Variants in CHN1 observed in about 807,000 individuals in gnomAD.
CHN1 encodes the protein chimerin 1.
CHN1 carries 37 observed loss-of-function variants against 59.5 expected under a neutral mutation model. The ratio of observed to expected loss-of-function variants is 0.62; its 90% confidence interval spans 0.48 to 0.82. The LOEUF (loss-of-function observed/expected upper bound fraction) is 0.82. Among genes scored for constraint, CHN1 ranks in the 40% least tolerant of loss-of-function variants. The pLI is 0.00. For synonymous variants in CHN1, 206 were observed against 200.4 expected (o/e 1.03, Z -0.24); for missense variants, 469 against 571.0 (o/e 0.82, Z 1.82).
intron 6 of CHN1, among the ~76,000 whole-genome samples, chr2:174,868,870 T>C (rs1450909559): frequency 3.3e-5 from 5 of 152,216 alleles, no homozygotes; most frequent in Admixed American, 3.3e-4. Flanking sequence ...ACAACTGCCA[T>C]AATTTTCCCA....
intron 7 of CHN1, among the ~76,000 whole-genome samples, chr2:174,840,461 T>C (rs1330305547): frequency 6.6e-6 from 1 of 152,178 alleles, no homozygotes; most frequent in East Asian, 1.9e-4. Context: ...CCACTGTGCC[T>C]GGCCCCAAAC....
Position 174,845,789 on chromosome 2 carries a change from G to C in CHN1, c.627+1091C>G, listed in dbSNP as rs569302621. Among the ~76,000 whole-genome samples, 912 of 111,562 alleles carry C rather than the reference G, an allele frequency of 8.2e-3. 10 individuals are homozygous for C. Among genetic ancestry groups the C allele is most frequent in the Middle Eastern group, 0.016 (3 of 192 alleles). 73.2% of individuals were successfully genotyped at this position (111,562 alleles called of 152,430 possible). A position where few individuals can be genotyped will look rare whatever the true frequency, so the allele number is the denominator to read the frequency against. On this transcript the variant is annotated intron_variant, in intron 7 of 12. Coordinates refer to ENST00000409900, the MANE Select transcript of CHN1 (RefSeq NM_001822.7). ...AATGCAGAGCATATGGGTGGGGGGG[G>C]GGGTGTTGGTATTTAGTGTTTGAGT...
chr2:174,918,588 G>A, intron 3 of CHN1, 23 bp from the exon 4 acceptor site: 1 of 1,577,344 alleles, frequency 6.3e-7, no homozygotes, highest in Non-Finnish European at 8.6e-7. Flanking sequence ...CAAAAAAACA[G>A]GCATATTTGT....
intron 5 of CHN1, among the ~76,000 whole-genome samples, chr2:174,892,502 G>A (rs1558970045): frequency 6.6e-6 from 1 of 152,158 alleles, no homozygotes; most frequent in Non-Finnish European, 1.5e-5. Flanking sequence ...TTTACCAGAT[G>A]CCAGTAGTAT....
intron 1 of CHN1, among the ~76,000 whole-genome samples, chr2:174,998,486 T>C (rs527738052): frequency 6.6e-6 from 1 of 152,280 alleles, no homozygotes; most frequent in South Asian, 2.1e-4. Context: ...ATGTCTGACA[T>C]ATCCTTGTGC....
chr2:174,809,564 CGTT>C (rs1471578050), intron 10 of CHN1, among the ~76,000 whole-genome samples: 2 of 152,158 alleles, frequency 1.3e-5, no homozygotes, highest in South Asian at 2.1e-4. Context: ...TTACTATGTA[CGTT>C]GTTATTAAAC....
At chr2:174,854,032 T>C (rs1259754475) in intron 6 of CHN1, among the ~76,000 whole-genome samples, 1 of 152,146 alleles carries the variant, frequency 6.6e-6, no homozygotes, top group Non-Finnish European at 1.5e-5. Context: ...AACCTGCACA[T>C]GTACGCCCTG....
intron 2 of CHN1, among the ~76,000 whole-genome samples, chr2:174,946,080 A>G (rs1689827488): frequency 6.6e-6 from 1 of 152,132 alleles, no homozygotes; most frequent in African/African-American, 2.4e-5. Flanking sequence ...GAACCAAACC[A>G]TCTGGAGTCT....
intron 7 of CHN1, among the ~76,000 whole-genome samples, chr2:174,834,031 C>T (rs1363400819): frequency 6.6e-6 from 1 of 152,128 alleles, no homozygotes; most frequent in East Asian, 1.9e-4. Flanking sequence ...GTCTCAAACC[C>T]CAGGGCTCAA....
chr2:174,863,017 G>C (rs1687113835), intron 6 of CHN1, among the ~76,000 whole-genome samples: 1 of 152,156 alleles, frequency 6.6e-6, no homozygotes, highest in African/African-American at 2.4e-5. Context: ...GACAGTCAAT[G>C]ATAAAATTAA....
intron 7 of CHN1, among the ~76,000 whole-genome samples, chr2:174,842,203 T>C (rs949201936): frequency 3.9e-5 from 6 of 152,242 alleles, no homozygotes; most frequent in Middle Eastern, 3.4e-3. Context: ...GGCATTTTAC[T>C]AGACATCGGG....
At chr2:174,942,659 C>A (rs1193630) in intron 3 of CHN1, among the ~76,000 whole-genome samples, 7,301 of 151,988 alleles carry the variant, frequency 0.048, 570 homozygotes, top group African/African-American at 0.17. Context: ...ATGCTAATTA[C>A]CCTCAATCAT....
At chr2:174,914,780 G>A (rs1688798419) in intron 5 of CHN1, among the ~76,000 whole-genome samples, 1 of 147,820 alleles carries the variant, frequency 6.8e-6, no homozygotes, top group African/African-American at 2.5e-5. Context: ...AAGCAGAGGG[G>A]GTTGCAGTGA....
chr2:174,920,815 C>T (rs1688995303), intron 3 of CHN1, among the ~76,000 whole-genome samples: 1 of 152,124 alleles, frequency 6.6e-6, no homozygotes, highest in Non-Finnish European at 1.5e-5. Context: ...AAGCACATTG[C>T]ACTTACTGTG....
intron 3 of CHN1, among the ~76,000 whole-genome samples, chr2:174,924,570 GAGA>G (rs1689115200): frequency 6.6e-6 from 1 of 152,174 alleles, no homozygotes. Flanking sequence ...TAATAGGGTA[GAGA>G]AGTTTTTCTT....
chr2:174,826,837 T>C (rs1685698060), intron 7 of CHN1, among the ~76,000 whole-genome samples: 1 of 152,228 alleles, frequency 6.6e-6, no homozygotes. Flanking sequence ...GTTACACATG[T>C]ATCTCAGAAA....
chr2:174,996,032 A>AG (rs2105468716), intron 1 of CHN1, among the ~76,000 whole-genome samples: 1 of 132,202 alleles, frequency 7.6e-6, no homozygotes, highest in African/African-American at 2.5e-5. Flanking sequence ...ATGTTTGTAT[A>AG]GGAAAAAACA....
At chr2:174,949,748 T>C (rs890573324) in intron 2 of CHN1, among the ~76,000 whole-genome samples, 2 of 152,192 alleles carry the variant, frequency 1.3e-5, no homozygotes, top group Non-Finnish European at 2.9e-5. Flanking sequence ...ATAAGAAAAT[T>C]TCTAAAAAGG....
intron 1 of CHN1, among the ~76,000 whole-genome samples, chr2:175,000,227 A>C (rs763469442): frequency 6.9e-6 from 1 of 145,058 alleles, no homozygotes; most frequent in African/African-American, 2.6e-5. Context: ...TGCAACCTCT[A>C]CCTCCTGGGG....
Sources: allele counts gnomAD v4.1 joint callset (sites outside exome capture counted in the v4.1 genomes callset), GRCh38; gene constraint gnomAD v4.1.1; transcripts MANE v1.5; gene names NCBI Gene and HGNC (gene_info 2026-07-23, HGNC 2026-07-21).